Variants in HEATR1 observed in about 807,000 individuals in gnomAD.
The protein encoded by HEATR1 is HEAT repeat containing 1, also known as HEAT repeat-containing protein 1.
A neutral mutation model predicts 248.2 loss-of-function variants in HEATR1; 77 were observed. The observed-to-expected ratio is 0.31, with a 90% CI of 0.26 to 0.37. HEATR1 has a LOEUF of 0.37. HEATR1 is among the 10% of genes least tolerant of loss of function. The pLI is 1.00. For missense variants in HEATR1, 2,420 were observed against 2,504.9 expected (o/e 0.97, Z 0.72); for synonymous variants, 897 against 923.1 (o/e 0.97, Z 0.51).
In HEATR1 at chr1:236,556,199, A is replaced by G. The variant is rs1468752396; in HGVS notation, c.5415T>C (p.Arg1805=). The G allele has an allele frequency of 8.1e-6, 13 of 1,613,820 alleles. No individual in the cohort carries two copies. Among genetic ancestry groups the G allele is most frequent in the Non-Finnish European group, 1.0e-5 (12 of 1,179,996 alleles). ...EMGSASQANI[R]LTSLKKTLAT... ...CCAGTGTCTTTTTAAGAGATGTGAG[A>G]CGGATATTAGCCTGTGACGCAGAAC... Residue 1805 remains arginine, a synonymous_variant, in exon 38 of 45, where the codon CGT becomes CGC. Coordinates refer to ENST00000366582, the MANE Select transcript of HEATR1 (RefSeq NM_018072.6).
At position 236,596,017 on chromosome 1, in the gene HEATR1, T is replaced by C. The variant is rs1240577191; in HGVS notation, c.772A>G (p.Arg258Gly). 2 of 1,611,994 alleles carry C rather than the reference T, an allele frequency of 1.2e-6. No homozygotes were observed. The highest frequency in any genetic ancestry group is 1.7e-5 in the Admixed American group (1 of 59,998). ...CATATTATCATGTATGTTGCAGCTC[T>C]GTAATCTGGTAAAGATGATTTCAAT... is the stretch of plus-strand genomic sequence containing the variant. The part of the protein sequence containing the change: ...KGLKSSLPDY[R>G]AATYMIICQI... Residue 258 changes from arginine to glycine, a missense_variant, in exon 7 of 45, where the codon AGA becomes GGA. By Grantham distance (125) the Arg-to-Gly change is moderately radical. Transcript: ENST00000366582.
intron 19 of HEATR1, 118 bp downstream of exon 19, chr1:236,582,618 G>C: frequency 1.0e-6 from 1 of 967,250 alleles, no homozygotes; most frequent in Admixed American, 2.0e-5. Context: ...GGCCAGGCTG[G>C]TATTGAACTC....
At position 236,587,492 on chromosome 1, in the gene HEATR1, T is replaced by C; in HGVS notation, c.1627-2A>G. ...TGAACTGAAGTGTTCTTTGAAAATC[T>C]AAAGGGAAAAAAATATCCAGAGTAG... is the stretch of plus-strand genomic sequence containing the variant. On this transcript the variant is annotated splice_acceptor_variant, in intron 13 of 44. Transcript: ENST00000366582. LOFTEE classifies it high-confidence loss of function. The C allele has an allele frequency of 6.8e-7, 1 of 1,463,140 alleles. No individual in the cohort carries two copies. Among genetic ancestry groups the C allele is most frequent in the South Asian group, 1.4e-5 (1 of 70,638 alleles). The allele number at this position is 1,463,140 out of a possible 1,614,324, so 90.6% of individuals were successfully genotyped here.
rs115171344 is a variant in HEATR1 at position 236,594,412 on chromosome 1, T to C, written c.1091-298A>G. Reference sequence around the variant, plus strand: ...AAATTAGTCTTTCCCCAGGTCACATTACAAATTAGTTGTGATGGTGCCAAT... The same window carrying C: ...AAATTAGTCTTTCCCCAGGTCACATCACAAATTAGTTGTGATGGTGCCAAT... On this transcript the variant is annotated intron_variant, in intron 8 of 44. Coordinates refer to ENST00000366582, the MANE Select transcript of HEATR1 (RefSeq NM_018072.6). Among the ~76,000 whole-genome samples, 637 of 152,316 alleles carry C rather than the reference T, an allele frequency of 4.2e-3. 5 individuals carry two copies. Among genetic ancestry groups the C allele is most frequent in the African/African-American group, 0.015 (604 of 41,574 alleles).
In HEATR1 at chr1:236,566,918, T is replaced by C. The variant is rs1663288041; in HGVS notation, c.4078-42A>G. 3.0e-6 allele frequency: 4 copies of C among 1,352,138 alleles called. No homozygotes were observed. The East Asian group carries it at 6.9e-5, about 23-fold the overall frequency. 83.8% of individuals were successfully genotyped at this position (1,352,138 alleles called of 1,614,324 possible). A position where few individuals can be genotyped will look rare whatever the true frequency, so the allele number is the denominator to read the frequency against. On this transcript the variant is annotated intron_variant, in intron 29 of 44. Transcript: ENST00000366582. ...AGAGACAATGAGTAGGTGCAAGTAATCTTCCACAAAACAAGTTTAGGTGAA... is the reference window on the plus strand; with the variant it reads ...AGAGACAATGAGTAGGTGCAAGTAACCTTCCACAAAACAAGTTTAGGTGAA...
In HEATR1 at chr1:236,588,027, G is replaced by C; in HGVS notation, c.1547C>G (p.Ser516Cys). The C allele has an allele frequency of 6.2e-7, 1 of 1,611,520 alleles. No individual in the cohort carries two copies. Among genetic ancestry groups the C allele is most frequent in the Non-Finnish European group, 8.5e-7 (1 of 1,178,526 alleles). Residue 516 changes from serine (S) to cysteine (C), a missense_variant, in exon 13 of 45, where the codon TCT becomes TGT. Physicochemically the swap from Ser to Cys is moderately radical, Grantham distance 112. Coordinates refer to ENST00000366582, the MANE Select transcript of HEATR1 (RefSeq NM_018072.6). ...MKTSKEGVDE[S>C]FIKEAVLARL... ...GGCTAAAACAGCTTCTTTTATGAAAGATTCATCAACACCCTCCTGAGCAAT... is the reference window on the plus strand; with the variant it reads ...GGCTAAAACAGCTTCTTTTATGAAACATTCATCAACACCCTCCTGAGCAAT...
intron 3 of HEATR1, among the ~76,000 whole-genome samples, chr1:236,602,529 C>T (rs1664353106): frequency 6.6e-6 from 1 of 152,198 alleles, no homozygotes; most frequent in Non-Finnish European, 1.5e-5. Context: ...TTGCCTGCTT[C>T]CCCAACCATC....
chr1:236,593,584 GAAAAAAAA>G lies in HEATR1; in HGVS notation c.1193+420_1193+427del, dbSNP rs534009257. 6.3e-3 allele frequency among the ~76,000 whole-genome samples: 576 copies of G among 90,852 alleles called. 4 individuals carry two copies. Among genetic ancestry groups the G allele is most frequent in the African/African-American group, 0.022 (545 of 24,622 alleles). The allele number at this position is 90,852 out of a possible 152,430, so 59.6% of individuals were successfully genotyped here. A position where few individuals can be genotyped will look rare whatever the true frequency, so the allele number is the denominator to read the frequency against. ...CACTGTATCGAGTTGCCCATTAAGA[GAAAAAAAA>G]AAAAAAAAAAAAAAAGACTGAATTA... On this transcript the variant is annotated intron_variant, in intron 9 of 44. Coordinates refer to ENST00000366582, the MANE Select transcript of HEATR1 (RefSeq NM_018072.6).
rs2103154337 is a variant in HEATR1, at chr1:236,595,963, T to C, written c.826A>G (p.Asn276Asp). The C allele has an allele frequency of 1.9e-6, 3 of 1,613,874 alleles. No homozygotes were observed. The highest frequency in any genetic ancestry group is 2.5e-6 in the Non-Finnish European group (3 of 1,179,782). ...GATGCCAATGAATTCACAAAGGTATTTTCCATGGTCACTTTCACAGAAATC... is the reference window on the plus strand; with the variant it reads ...GATGCCAATGAATTCACAAAGGTATCTTCCATGGTCACTTTCACAGAAATC... ...CQISVKVTME[N>D]TFVNSLASQI... Residue 276 changes from asparagine to aspartate, a missense_variant, in exon 7 of 45, where the codon AAT (asparagine) becomes GAT (aspartate). Asn to Asp is a conservative substitution (Grantham distance 23). Transcript: ENST00000366582.
chr1:236,576,067 C>G, intron 22 of HEATR1, 152 bp downstream of exon 22: 114 of 478,828 alleles, frequency 2.4e-4, no homozygotes, highest in East Asian at 4.7e-4. Flanking sequence ...TTTTTCTCTA[C>G]CTCAACTCAT....
rs773502970 is a variant in HEATR1, at chr1:236,585,879, T to C, written c.1990A>G (p.Met664Val). The change falls in exon 16 of 45, where the codon ATG (methionine) becomes GTG (valine). Residue 664 changes from methionine to valine, a missense_variant. Met to Val is a conservative substitution (Grantham distance 21). Transcript: ENST00000366582. ...ATATTATCAGCCAACAACTCAATCA[T>C]CTTCTGATTTGCTACACCGATTAGT... The part of the protein sequence containing the change: ...GKLIGVANQK[M>V]IELLADNINL... 2 of 1,612,656 alleles carry C rather than the reference T, an allele frequency of 1.2e-6. No individual in the cohort carries two copies. Among genetic ancestry groups the C allele is most frequent in the African/African-American group, 1.3e-5 (1 of 75,022 alleles).
At position 236,550,134 on chromosome 1, in the gene HEATR1, A is replaced by G. The variant is rs1572025966; in HGVS notation, c.*768T>C. 1 of 152,324 alleles carries G rather than the reference A, an allele frequency of 6.6e-6. No homozygotes were observed. Among genetic ancestry groups the G allele is most frequent in the Non-Finnish European group, 1.5e-5 (1 of 68,018 alleles). The allele number at this position is 152,324 out of a possible 1,614,324, so 9.4% of individuals were successfully genotyped here. On this transcript the variant is annotated 3_prime_UTR_variant, in exon 45 of 45. Transcript: ENST00000366582. ...AAAGCATTGAAAAAAATCTACTGAT[A>G]CTTACTTTCTTAGACAAGTAGTTCT...
At chr1:236,591,822 T>C (rs926286375) in intron 11 of HEATR1, among the ~76,000 whole-genome samples, 171 bp downstream of exon 11, 3 of 152,202 alleles carry the variant, frequency 2.0e-5, no homozygotes, top group Non-Finnish European at 4.4e-5. Flanking sequence ...TCTCCAATTA[T>C]TCTATTCCTG....
At position 236,559,099 on chromosome 1, in the gene HEATR1, C is replaced by G. The variant is rs1320556324; in HGVS notation, c.4807G>C (p.Val1603Leu). 1 of 1,609,998 alleles carries G rather than the reference C, an allele frequency of 6.2e-7. No homozygotes were observed. The highest frequency in any genetic ancestry group is 8.5e-7 in the Non-Finnish European group (1 of 1,178,664). Residue 1603 changes from valine (V) to leucine (L), a missense_variant, in exon 35 of 45, where the codon GTG becomes CTG. Transcript: ENST00000366582. ...GGATTGCCCACCAGCCCTCTGATCA[C>G]AGGAATGAATGTCTCTGTGGGCAGC... ...ALLPTETFIPVIRGLVGNPLP... is the reference protein window; with the variant it reads ...ALLPTETFIPLIRGLVGNPLP...
chr1:236,584,328 T>G (rs909796551), intron 17 of HEATR1, among the ~76,000 whole-genome samples: 4 of 152,136 alleles, frequency 2.6e-5, no homozygotes, highest in Non-Finnish European at 5.9e-5. Context: ...TTTCAAAATA[T>G]GAAGATTTTA....
chr1:236,596,480 GA>G (rs1664179623), intron 6 of HEATR1, among the ~76,000 whole-genome samples: 1 of 152,210 alleles, frequency 6.6e-6, no homozygotes, highest in African/African-American at 2.4e-5. Flanking sequence ...TTGGGAAGGA[GA>G]AACGCTGAGA....
In HEATR1 at chr1:236,563,496, T is replaced by G. The variant is rs1047502013; in HGVS notation, c.4599+1002A>C. On this transcript the variant is annotated intron_variant, in intron 32 of 44. Coordinates refer to ENST00000366582, the MANE Select transcript of HEATR1 (RefSeq NM_018072.6). The stretch of plus-strand genomic sequence containing the variant: ...ACCATGTTAGCCAGGATGGTCTCGA[T>G]CTCCTGACCTCATGATCCGCCCGCC... Among the ~76,000 whole-genome samples the G allele has an allele frequency of 4.6e-5, 7 of 152,064 alleles. No homozygotes were observed. In the South Asian group the frequency reaches 1.0e-3, roughly 23 times the overall value.
intron 37 of HEATR1, among the ~76,000 whole-genome samples, 196 bp from the exon 38 acceptor site, chr1:236,556,454 C>T (rs943665750): frequency 9.9e-5 from 15 of 152,202 alleles, no homozygotes; most frequent in African/African-American, 3.4e-4. Context: ...GCCCAACTTG[C>T]GATCAGGGAC....
rs1453003837 is a variant in HEATR1, at chr1:236,559,070, C to T, written c.4836G>A (p.Leu1612=). 5 of 1,613,004 alleles carry T rather than the reference C, an allele frequency of 3.1e-6. No homozygotes were observed. The highest frequency in any genetic ancestry group is 1.7e-5 in the Admixed American group (1 of 59,662). ...CCAGCGCTTTGCGGCGAACAGATGG[C>T]AGGGGATTGCCCACCAGCCCTCTGA... ...PVIRGLVGNP[L]PSVRRKALDL... is the part of the protein sequence containing the mutation. The change falls in exon 35 of 45, where the codon CTG becomes CTA. Residue 1612 remains leucine, a synonymous_variant. Coordinates refer to ENST00000366582, the MANE Select transcript of HEATR1 (RefSeq NM_018072.6).
Sources: allele counts gnomAD v4.1 joint callset (sites outside exome capture counted in the v4.1 genomes callset), GRCh38; gene constraint gnomAD v4.1.1; transcripts MANE v1.5; gene names NCBI Gene and HGNC (gene_info 2026-07-23, HGNC 2026-07-21).